The following PTPRD variants were observed in gnomAD, a reference collection of about 807,000 sequenced individuals.
PTPRD encodes the protein receptor-type tyrosine-protein phosphatase delta.
Under a neutral mutation model 214.5 loss-of-function variants are expected in PTPRD, and 34 were observed. The observed-to-expected ratio is 0.16, with a 90% CI of 0.12 to 0.21. The LOEUF (loss-of-function observed/expected upper bound fraction) is 0.21. Among genes scored for constraint, PTPRD ranks in the 10% least tolerant of loss-of-function variants. The pLI is 1.00. For missense variants in PTPRD, 2,545 were observed against 2,398.7 expected, an observed-to-expected ratio of 1.06 and a Z score of -1.27; for synonymous variants, 1,128 against 845.7, an observed-to-expected ratio of 1.33 and a Z score of -5.79.
At chr9:9,265,372 C>A (rs1323828612) in intron 9 of PTPRD, among the ~76,000 whole-genome samples, 1 of 151,456 alleles carries the variant, frequency 6.6e-6, no homozygotes, top group Non-Finnish European at 1.5e-5. Context: ...AGTGATGCTG[C>A]CCTACTGAAT....
chr9:10,589,210 G>T (rs1453170432), intron 2 of PTPRD, among the ~76,000 whole-genome samples: 1 of 151,940 alleles, frequency 6.6e-6, no homozygotes, highest in Non-Finnish European at 1.5e-5. Context: ...TGTCTGTGTG[G>T]GTCAGATAAA....
intron 14 of PTPRD, among the ~76,000 whole-genome samples, chr9:8,555,213 G>A (rs2083368059): frequency 6.6e-6 from 1 of 152,032 alleles, no homozygotes; most frequent in Non-Finnish European, 1.5e-5. Flanking sequence ...AGACCAGCCT[G>A]GGCAACATGG....
intron 10 of PTPRD, among the ~76,000 whole-genome samples, chr9:9,092,152 C>T (rs1235014661): frequency 1.3e-5 from 2 of 152,126 alleles, no homozygotes; most frequent in African/African-American, 4.8e-5. Flanking sequence ...ACTGTTAACT[C>T]ATTTTCATGT....
intron 3 of PTPRD, among the ~76,000 whole-genome samples, chr9:10,117,322 G>A (rs2098738239): frequency 1.3e-5 from 2 of 152,062 alleles, no homozygotes; most frequent in African/African-American, 4.8e-5. Context: ...TATTCCTTTA[G>A]CATACTTGTT....
intron 5 of PTPRD, among the ~76,000 whole-genome samples, chr9:9,878,083 C>G (rs78282243): frequency 1.3e-5 from 2 of 151,822 alleles, no homozygotes; most frequent in African/African-American, 4.8e-5. Flanking sequence ...GATAAAGGAC[C>G]CTGCCAACTG....
chr9:9,316,560 GT>G (rs1963254060), intron 9 of PTPRD, among the ~76,000 whole-genome samples: 2 of 152,080 alleles, frequency 1.3e-5, no homozygotes, highest in South Asian at 4.1e-4. Context: ...CACAAGACCA[GT>G]TTTTACCCTA....
At chr9:8,355,807 G>A (rs899932128) in intron 39 of PTPRD, among the ~76,000 whole-genome samples, 2 of 152,124 alleles carry the variant, frequency 1.3e-5, no homozygotes, top group African/African-American at 4.8e-5. Flanking sequence ...GTCTGGGGTG[G>A]GACCAAAGAT....
At chr9:9,592,417 A>C (rs1201558677) in intron 7 of PTPRD, among the ~76,000 whole-genome samples, 1 of 152,094 alleles carries the variant, frequency 6.6e-6, no homozygotes, top group Non-Finnish European at 1.5e-5. Context: ...GTTCATATAC[A>C]ATATGAAAAA....
chr9:10,483,061 C>T (rs913786583), intron 2 of PTPRD, among the ~76,000 whole-genome samples: 13 of 152,092 alleles, frequency 8.5e-5, no homozygotes, highest in African/African-American at 3.1e-4. Context: ...AGTAACCAAA[C>T]AGCATGGCAC....
chr9:8,481,010 G>C (rs1434569394), intron 30 of PTPRD, among the ~76,000 whole-genome samples: 2 of 151,866 alleles, frequency 1.3e-5, no homozygotes, highest in South Asian at 2.1e-4. Flanking sequence ...CGTGGTGGTG[G>C]GCTCCTGTAG....
At chr9:10,112,746 A>G (rs992916541) in intron 3 of PTPRD, among the ~76,000 whole-genome samples, 5 of 152,236 alleles carry the variant, frequency 3.3e-5, no homozygotes, top group Admixed American at 1.3e-4. Context: ...GCCAGAAGAT[A>G]ATTCATTTGC....
intron 5 of PTPRD, among the ~76,000 whole-genome samples, chr9:9,898,243 T>G (rs1373222688): frequency 6.6e-6 from 1 of 152,048 alleles, no homozygotes. Flanking sequence ...CAATTAAAAT[T>G]TCAGTAAATG....
At chr9:8,505,419 G>C (rs373584599) in intron 22 of PTPRD, among the ~76,000 whole-genome samples, 2 of 151,954 alleles carry the variant, frequency 1.3e-5, no homozygotes, top group African/African-American at 4.8e-5. Flanking sequence ...TCAGGAGATC[G>C]AGACCATCCT....
intron 5 of PTPRD, among the ~76,000 whole-genome samples, chr9:9,933,577 G>C (rs1356415189): frequency 1.3e-4 from 20 of 151,586 alleles, no homozygotes; most frequent in Non-Finnish European, 1.0e-4. Context: ...GATTCATAAA[G>C]CAAGTCCTGA....
chr9:8,843,264 T>C (rs1178291866), intron 11 of PTPRD, among the ~76,000 whole-genome samples: 1 of 152,250 alleles, frequency 6.6e-6, no homozygotes, highest in African/African-American at 2.4e-5. Flanking sequence ...AAAGAGTTTG[T>C]CTGTCATTAG....
rs754925680 is a variant in PTPRD at position 8,518,251 on chromosome 9, G to T, written c.1140C>A (p.Val380=). 6.2e-7 allele frequency: 1 copy of T among 1,614,132 alleles called. No individual in the cohort carries two copies. The change falls in exon 21 of 46, where the codon GTC becomes GTA. Residue 380 remains valine, a synonymous_variant. Transcript: ENST00000381196. ...IDGVATTRYS[V]AGLSPYSDYE... is the part of the protein sequence containing the mutation. ...AATCCGAGTAGGGACTTAGTCCAGC[G>T]ACACTGTAGCGTGTGGTCGCCACCC...
At chr9:8,553,830 T>C (rs936504056) in intron 14 of PTPRD, among the ~76,000 whole-genome samples, 2 of 152,142 alleles carry the variant, frequency 1.3e-5, no homozygotes, top group African/African-American at 2.4e-5. Flanking sequence ...CTTAAGGAGA[T>C]GGAGCACCTA....
At chr9:10,403,222 G>A (rs1424186419) in intron 2 of PTPRD, among the ~76,000 whole-genome samples, 1 of 32,244 alleles carries the variant, frequency 3.1e-5, no homozygotes, top group African/African-American at 1.0e-4. Context: ...TTGTGTGTGT[G>A]TGTAAATATA....
At chr9:8,462,798 G>T (rs919967347) in intron 32 of PTPRD, among the ~76,000 whole-genome samples, 12 of 151,698 alleles carry the variant, frequency 7.9e-5, no homozygotes, top group Non-Finnish European at 4.4e-5. Context: ...TTTAGTCCTT[G>T]TTTTTTTAAA....
Sources: allele counts gnomAD v4.1 joint callset (sites outside exome capture counted in the v4.1 genomes callset), GRCh38; gene constraint gnomAD v4.1.1; transcripts MANE v1.5; gene names NCBI Gene and HGNC (gene_info 2026-07-23, HGNC 2026-07-21).